The following SNTG1 variants were observed in gnomAD, a reference collection of about 807,000 sequenced individuals.
SNTG1 encodes gamma-1-syntrophin.
Under a neutral mutation model 74.7 loss-of-function variants are expected in SNTG1, and 39 were observed. The ratio of observed to expected loss-of-function variants is 0.52; its 90% confidence interval spans 0.40 to 0.68. The LOEUF is 0.68. Ranked by LOEUF, SNTG1 falls within the 30% of genes least tolerant of loss-of-function variation. The pLI, the probability that SNTG1 is intolerant of heterozygous loss-of-function variation, is 0.00. For synonymous variants in SNTG1, 254 were observed against 217.1 expected (o/e 1.17, Z -1.49); for missense variants, 685 against 609.5 (o/e 1.12, Z -1.30).
chr8:50,236,292 A>G (rs2085890859), intron 2 of SNTG1, among the ~76,000 whole-genome samples: 1 of 152,166 alleles, frequency 6.6e-6, no homozygotes, highest in African/African-American at 2.4e-5. Context: ...CTGAACGTAG[A>G]CAGACATTCC....
chr8:50,472,207 T>C (rs761859110), intron 8 of SNTG1, among the ~76,000 whole-genome samples: 4 of 152,060 alleles, frequency 2.6e-5, no homozygotes, highest in Non-Finnish European at 4.4e-5. Flanking sequence ...AAAATTCATA[T>C]GGAATTGCAA....
chr8:50,325,095 A>AAT (rs2090691855), intron 2 of SNTG1, among the ~76,000 whole-genome samples: 3 of 149,882 alleles, frequency 2.0e-5, no homozygotes, highest in South Asian at 2.1e-4. Flanking sequence ...TACATATATA[A>AAT]ATATATATAT....
chr8:50,041,732 T>C (rs545959066), intron 1 of SNTG1, among the ~76,000 whole-genome samples: 2 of 152,324 alleles, frequency 1.3e-5, no homozygotes, highest in Admixed American at 1.3e-4. Flanking sequence ...GCCTCTCTGT[T>C]GTGGAACTAG....
intron 1 of SNTG1, among the ~76,000 whole-genome samples, chr8:50,034,714 A>G (rs776128975): frequency 6.6e-6 from 1 of 152,162 alleles, no homozygotes; most frequent in Non-Finnish European, 1.5e-5. Context: ...ACAGCTGATG[A>G]GCTAAAGAAA....
At chr8:50,720,738 C>T (rs1424552970) in intron 17 of SNTG1, among the ~76,000 whole-genome samples, 1 of 152,072 alleles carries the variant, frequency 6.6e-6, no homozygotes, top group Non-Finnish European at 1.5e-5. Flanking sequence ...ATATCAAATA[C>T]CAGGTGATTT....
intron 17 of SNTG1, among the ~76,000 whole-genome samples, chr8:50,713,475 T>C (rs2095467462): frequency 6.6e-6 from 1 of 152,180 alleles, no homozygotes; most frequent in Admixed American, 6.5e-5. Context: ...TGATGATAGT[T>C]TCTTTTGCTG....
At chr8:49,999,649 T>C (rs1343913911) in intron 1 of SNTG1, among the ~76,000 whole-genome samples, 1 of 152,118 alleles carries the variant, frequency 6.6e-6, no homozygotes. Context: ...CTTCCCCCAA[T>C]GTCTGCATGG....
chr8:49,956,265 A>G (rs1810149491), intron 1 of SNTG1, among the ~76,000 whole-genome samples: 1 of 152,262 alleles, frequency 6.6e-6, no homozygotes, highest in Non-Finnish European at 1.5e-5. Context: ...TGAGAACCTT[A>G]CAAAGCCAAT....
At chr8:50,506,656 G>A (rs1341032583) in intron 9 of SNTG1, among the ~76,000 whole-genome samples, 1 of 151,740 alleles carries the variant, frequency 6.6e-6, no homozygotes, top group African/African-American at 2.4e-5. Context: ...TTTTTATGTT[G>A]TCTATTCTGC....
chr8:50,328,536 G>A (rs540660554), intron 2 of SNTG1, among the ~76,000 whole-genome samples: 151 of 152,292 alleles, frequency 9.9e-4, no homozygotes, highest in African/African-American at 3.6e-3. Context: ...GACAGAGAGA[G>A]CATGTGTGAA....
At chr8:50,786,298 A>T (rs905553080) in intron 18 of SNTG1, among the ~76,000 whole-genome samples, 3 of 152,038 alleles carry the variant, frequency 2.0e-5, no homozygotes, top group African/African-American at 7.2e-5. Context: ...TCTAAGGAAT[A>T]CATTTAACAA....
chr8:50,015,652 T>C lies in SNTG1; in HGVS notation c.-103+103421T>C. On this transcript the variant is annotated intron_variant, in intron 1 of 18. Transcript: ENST00000642720. Reference sequence around the variant, plus strand: ...TATCAGTTTAGTGCAAAAGTAATTGTGGTTTCAGATGGTGAATTTTAAATT... The same window carrying C: ...TATCAGTTTAGTGCAAAAGTAATTGCGGTTTCAGATGGTGAATTTTAAATT... Among the ~76,000 whole-genome samples, 2 of 152,090 alleles carry C rather than the reference T, an allele frequency of 1.3e-5. 1 individual carries two copies. Among genetic ancestry groups the C allele is most frequent in the Non-Finnish European group, 2.9e-5 (2 of 68,008 alleles).
intron 2 of SNTG1, 114 bp from the exon 3 acceptor site, chr8:50,394,098 G>T: frequency 1.4e-6 from 1 of 705,042 alleles, no homozygotes; most frequent in Non-Finnish European, 2.3e-6. Flanking sequence ...CTTACAAGTG[G>T]TTGTAAACAC....
intron 8 of SNTG1, among the ~76,000 whole-genome samples, chr8:50,489,687 T>C (rs1248367353): frequency 2.6e-5 from 4 of 152,028 alleles, no homozygotes; most frequent in African/African-American, 9.7e-5. Flanking sequence ...CTTTGCCATA[T>C]GGATAGATTG....
At chr8:50,406,690 A>C (rs2092880178) in intron 4 of SNTG1, among the ~76,000 whole-genome samples, 1 of 152,114 alleles carries the variant, frequency 6.6e-6, no homozygotes, top group African/African-American at 2.4e-5. Flanking sequence ...TGTTATGATG[A>C]GGTAGTTGTC....
chr8:50,100,768 C>G (rs1372695033), intron 1 of SNTG1, among the ~76,000 whole-genome samples: 4 of 151,888 alleles, frequency 2.6e-5, no homozygotes, highest in African/African-American at 9.7e-5. Flanking sequence ...TACAATAATA[C>G]TTAACATTCC....
intron 1 of SNTG1, among the ~76,000 whole-genome samples, chr8:50,004,957 C>A (rs1158659527): frequency 6.6e-6 from 1 of 152,156 alleles, no homozygotes; most frequent in African/African-American, 2.4e-5. Flanking sequence ...ATGAAACCTC[C>A]CTGACTGTTG....
At chr8:50,208,075 A>G (rs983935708) in intron 2 of SNTG1, among the ~76,000 whole-genome samples, 3 of 152,196 alleles carry the variant, frequency 2.0e-5, no homozygotes, top group African/African-American at 7.2e-5. Context: ...CTAGATGTCT[A>G]TTAAGTCCAC....
chr8:50,043,072 C>T (rs1256469857), intron 1 of SNTG1, among the ~76,000 whole-genome samples: 1 of 152,076 alleles, frequency 6.6e-6, no homozygotes, highest in Non-Finnish European at 1.5e-5. Flanking sequence ...TCTTCCCTTC[C>T]CTCTGTTATT....
Sources: allele counts gnomAD v4.1 joint callset (sites outside exome capture counted in the v4.1 genomes callset), GRCh38; gene constraint gnomAD v4.1.1; transcripts MANE v1.5; gene names NCBI Gene and HGNC (gene_info 2026-07-23, HGNC 2026-07-21).